MBD5: variants seen among roughly 807,000 people sequenced by gnomAD.
The protein encoded by MBD5 is methyl-CpG-binding domain protein 5.
A neutral mutation model predicts 117.3 loss-of-function variants in MBD5; 13 were observed. The ratio of observed to expected loss-of-function variants is 0.11; its 90% CI spans 0.07 to 0.18. The LOEUF (loss-of-function observed/expected upper bound fraction) is 0.18. MBD5 is among the 10% of genes least tolerant of loss of function. The pLI is 1.00. For missense variants in MBD5, 1,879 were observed against 2,093.8 expected (o/e 0.90, Z 2.00); for synonymous variants, 727 against 766.4 (o/e 0.95, Z 0.85).
intron 1 of MBD5, among the ~76,000 whole-genome samples, chr2:148,070,341 AGT>A (rs1491325039): frequency 1.3e-5 from 2 of 152,192 alleles, no homozygotes; most frequent in African/African-American, 4.8e-5. Context: ...GTAGACATTT[AGT>A]GATTTGATAT....
In MBD5 at chr2:148,296,863, A is replaced by ATTTTTTTTTTTTTTTTTTT. The variant is rs1559010681; in HGVS notation, c.-679-45351_-679-45350insTTTTTTTTTTTTTTTTTTT. On this transcript the variant is annotated intron_variant, in intron 3 of 13. Transcript: ENST00000642680. Reference sequence around the variant, plus strand: ...TAAGCATAGTTTGCTTTAGTTCTTCAATTTTTTTTTTTTTTTTTTTTGGAG... The same window carrying ATTTTTTTTTTTTTTTTTTT: ...TAAGCATAGTTTGCTTTAGTTCTTCATTTTTTTTTTTTTTTTTTTATTTTTTTTTTTTTTTTTTTTGGAG... Among the ~76,000 whole-genome samples the ATTTTTTTTTTTTTTTTTTT allele has an allele frequency of 3.6e-3, 137 of 37,686 alleles. 25 individuals are homozygous for ATTTTTTTTTTTTTTTTTTT. Among genetic ancestry groups the ATTTTTTTTTTTTTTTTTTT allele is most frequent in the Non-Finnish European group, 5.6e-3 (107 of 18,952 alleles). The allele number at this position is 37,686 out of a possible 152,430, so 24.7% of individuals were successfully genotyped here.
intron 3 of MBD5, among the ~76,000 whole-genome samples, chr2:148,251,579 G>A (rs982073195): frequency 3.3e-5 from 5 of 152,156 alleles, no homozygotes; most frequent in African/African-American, 7.2e-5. Flanking sequence ...TTTATTCATA[G>A]TATACATTTT....
chr2:148,201,514 A>G (rs1383738514), intron 2 of MBD5, among the ~76,000 whole-genome samples: 1 of 152,172 alleles, frequency 6.6e-6, no homozygotes, highest in Non-Finnish European at 1.5e-5. Context: ...CTGCACCTCC[A>G]GGGCTGCCTT....
At chr2:148,464,042 G>C in intron 7 of MBD5, 123 bp downstream of exon 7, 3 of 964,698 alleles carry the variant, frequency 3.1e-6, no homozygotes, top group Non-Finnish European at 4.5e-6. Context: ...TTAAAATTCT[G>C]TATGTCCTGT....
At chr2:148,492,076 C>T (rs1218980762) in intron 11 of MBD5, among the ~76,000 whole-genome samples, 1 of 151,564 alleles carries the variant, frequency 6.6e-6, no homozygotes, top group Admixed American at 6.6e-5. Flanking sequence ...GTACTTTTAA[C>T]ACATTTCACA....
chr2:148,096,639 G>C (rs983557632), intron 1 of MBD5, among the ~76,000 whole-genome samples: 6 of 151,928 alleles, frequency 3.9e-5, no homozygotes, highest in Admixed American at 2.0e-4. Context: ...GTATTATGGG[G>C]AAAAAAATAA....
At chr2:148,338,064 G>T (rs1467763077) in intron 3 of MBD5, among the ~76,000 whole-genome samples, 1 of 152,052 alleles carries the variant, frequency 6.6e-6, no homozygotes, top group East Asian at 1.9e-4. Context: ...TTACTTACAA[G>T]AATTTTTCAG....
rs538847725 is a variant in MBD5, at chr2:148,275,346, GTCTC to G, written c.-680+41955_-680+41958del. 1.3e-3 allele frequency among the ~76,000 whole-genome samples: 201 copies of G among 152,092 alleles called. 1 individual carries two copies. The highest frequency in any genetic ancestry group is 4.6e-3 in the African/African-American group (193 of 41,510). ...TTTTTATTATTGGACTCCTGGATTT[GTCTC>G]TCTATTAATCAGTGTTCTCCAGAGA... On this transcript the variant is annotated intron_variant, in intron 3 of 13. Transcript: ENST00000642680.
intron 4 of MBD5, among the ~76,000 whole-genome samples, chr2:148,378,297 A>G (rs1237459503): frequency 6.6e-6 from 1 of 152,184 alleles, no homozygotes; most frequent in Admixed American, 6.5e-5. Flanking sequence ...GATAAATTTC[A>G]AAGTTGGCCT....
chr2:148,177,853 G>A (rs1276767540), intron 1 of MBD5, among the ~76,000 whole-genome samples: 1 of 152,162 alleles, frequency 6.6e-6, no homozygotes, highest in East Asian at 1.9e-4. Context: ...AATGATAATT[G>A]CTAATCCAAA....
At chr2:148,175,096 AAG>A (rs1174161119) in intron 1 of MBD5, among the ~76,000 whole-genome samples, 2 of 152,298 alleles carry the variant, frequency 1.3e-5, no homozygotes, top group East Asian at 3.9e-4. Context: ...CAAGATTGCT[AAG>A]AGAGTAAATT....
intron 1 of MBD5, among the ~76,000 whole-genome samples, chr2:148,033,651 T>C (rs1410318607): frequency 1.3e-5 from 2 of 152,164 alleles, no homozygotes; most frequent in African/African-American, 4.8e-5. Context: ...TAATAAATTG[T>C]AAGAGACAAG....
chr2:148,312,782 G>A (rs776187416), intron 3 of MBD5, among the ~76,000 whole-genome samples: 1 of 152,044 alleles, frequency 6.6e-6, no homozygotes, highest in Non-Finnish European at 1.5e-5. Flanking sequence ...TTGTCTTCCT[G>A]GATTTATCTA....
Position 148,484,041 on chromosome 2 carries a change from T to A in MBD5, c.3450T>A (p.Ser1150=), listed in dbSNP as rs1178326873. ...TGGCAGAAACATTGCTGAATATATCTAATAATGCTGGGAATACACCTGGTC... is the reference window on the plus strand; with the variant it reads ...TGGCAGAAACATTGCTGAATATATCAAATAATGCTGGGAATACACCTGGTC... ...VSMAETLLNI[S]NNAGNTPGPA... Residue 1150 remains serine (S), a synonymous_variant, in exon 9 of 14, where the codon TCT becomes TCA. Transcript: ENST00000642680. The A allele has an allele frequency of 1.3e-6, 2 of 1,550,256 alleles. No individual in the cohort carries two copies. Among genetic ancestry groups the A allele is most frequent in the Non-Finnish European group, 1.7e-6 (2 of 1,146,880 alleles).
chr2:148,126,439 CA>C (rs1696899298), intron 1 of MBD5, among the ~76,000 whole-genome samples: 1 of 147,002 alleles, frequency 6.8e-6, no homozygotes. Context: ...GGTGTCTTTA[CA>C]AAGGAAAAGT....
At chr2:148,153,710 C>T (rs1297722448) in intron 1 of MBD5, among the ~76,000 whole-genome samples, 1 of 145,876 alleles carries the variant, frequency 6.9e-6, no homozygotes, top group Non-Finnish European at 1.5e-5. Flanking sequence ...TCACTGATAC[C>T]CTTTCTTCCA....
chr2:148,372,046 G>T (rs993883296), intron 4 of MBD5, among the ~76,000 whole-genome samples: 1 of 152,012 alleles, frequency 6.6e-6, no homozygotes, highest in Non-Finnish European at 1.5e-5. Flanking sequence ...ACCATGATAA[G>T]CTAATATAAT....
intron 4 of MBD5, among the ~76,000 whole-genome samples, chr2:148,410,491 G>A (rs955719977): frequency 1.3e-5 from 2 of 152,080 alleles, no homozygotes; most frequent in African/African-American, 2.4e-5. Flanking sequence ...GTGCAGTGGC[G>A]TGATGTCAGC....
In MBD5 at chr2:148,490,686, T is replaced by C. The variant is rs1055621431; in HGVS notation, c.4962+92T>C. The C allele has an allele frequency of 1.1e-5, 17 of 1,510,110 alleles. No homozygotes were observed. The Admixed American group carries it at 1.9e-4, about 17-fold the overall frequency. The allele number at this position is 1,510,110 out of a possible 1,614,324, so 93.5% of individuals were successfully genotyped here. A position where few individuals can be genotyped will look rare whatever the true frequency, so the allele number is the denominator to read the frequency against. ...ATCATCACTTTGGATTCTTTGGATT[T>C]GAAATTAGGATTCTTCATGACTCAT... On this transcript the variant is annotated intron_variant, in intron 11 of 13. Transcript: ENST00000642680.
Sources: gnomAD v4.1 joint callset for allele counts (sites outside exome capture counted in the v4.1 genomes callset) on GRCh38, gnomAD v4.1.1 for gene constraint, MANE v1.5 for transcripts, NCBI Gene and HGNC (gene_info 2026-07-23, HGNC 2026-07-21) for gene names.